The following HDAC9 variants were observed in gnomAD, a reference collection of about 807,000 sequenced individuals.
The protein encoded by HDAC9 is MEF-2 interacting transcription repressor (MITR) protein.
Under a neutral mutation model 139.4 loss-of-function variants are expected in HDAC9, and 41 were observed. That is an observed-to-expected ratio of 0.29 (90% confidence interval 0.23 to 0.38). The LOEUF is 0.38. Among genes scored for constraint, HDAC9 ranks in the 10% least tolerant of loss-of-function variants. The probability of loss-of-function intolerance (pLI) is 1.00; values close to 1 mark genes in which losing one functional copy is unlikely to be tolerated. For missense variants in HDAC9, 1,147 were observed against 1,297.0 expected (o/e 0.88, Z 1.78); for synonymous variants, 517 against 476.2 (o/e 1.09, Z -1.12).
intron 22 of HDAC9, among the ~76,000 whole-genome samples, chr7:18,914,306 T>A (rs1802998423): frequency 6.6e-6 from 1 of 151,856 alleles, no homozygotes; most frequent in Non-Finnish European, 1.5e-5. Context: ...TGGTATTTTG[T>A]TACAGCAGCC....
At chr7:18,727,526 TC>T in intron 12 of HDAC9, 53 bp from the exon 13 acceptor site, 1 of 1,438,506 alleles carries the variant, frequency 7.0e-7, no homozygotes. Flanking sequence ...GCTCAGTGTC[TC>T]CCTCAATCCT....
chr7:18,330,119 T>C lies in HDAC9; in HGVS notation c.-42+39604T>C, dbSNP rs906010076. ...TTTGCAGATGTTCTAGTTATACTTA[T>C]CAATCTTTTCTGCTTGCCAAATGAA... On this transcript the variant is annotated intron_variant, in intron 1 of 3. Transcript: ENST00000413509. 4.0e-5 allele frequency among the ~76,000 whole-genome samples: 6 copies of C among 151,828 alleles called. No individual in the cohort carries two copies. In the East Asian group the frequency reaches 7.8e-4, roughly 20 times the overall value.
At chr7:18,277,107 CA>C (rs1199040745) in intron 2 of HDAC9, among the ~76,000 whole-genome samples, 1 of 151,652 alleles carries the variant, frequency 6.6e-6, no homozygotes, top group Non-Finnish European at 1.5e-5. Context: ...AAACAAAAAA[CA>C]AAAAAACAGG....
intron 1 of HDAC9, among the ~76,000 whole-genome samples, chr7:18,386,481 A>G (rs759111466): frequency 6.6e-6 from 1 of 152,114 alleles, no homozygotes; most frequent in Non-Finnish European, 1.5e-5. Flanking sequence ...TGGCCCCCCT[A>G]TGCATGTTAC....
intron 22 of HDAC9, among the ~76,000 whole-genome samples, chr7:18,896,833 C>T (rs1350102859): frequency 6.6e-6 from 1 of 152,010 alleles, no homozygotes; most frequent in African/African-American, 2.4e-5. Flanking sequence ...CCAATTCCTT[C>T]ACACTGCAAA....
intron 1 of HDAC9, among the ~76,000 whole-genome samples, chr7:18,134,308 G>A (rs1224684691): frequency 1.3e-5 from 2 of 152,034 alleles, no homozygotes; most frequent in East Asian, 1.9e-4. Context: ...TTTTATTAAT[G>A]TCATGGCATA....
intron 25 of HDAC9, among the ~76,000 whole-genome samples, chr7:18,985,754 T>C (rs547468750): frequency 1.4e-5 from 2 of 142,456 alleles, no homozygotes; most frequent in East Asian, 3.9e-4. Context: ...TTTTTAGTGA[T>C]CACCATTCTA....
intron 1 of HDAC9, among the ~76,000 whole-genome samples, chr7:18,092,976 G>A (rs926843637): frequency 2.0e-5 from 3 of 152,128 alleles, no homozygotes; most frequent in African/African-American, 4.8e-5. Flanking sequence ...GGGAACCAGC[G>A]CTGTGACTTG....
chr7:18,302,342 C>G (rs1798595125), intron 1 of HDAC9, among the ~76,000 whole-genome samples: 1 of 152,078 alleles, frequency 6.6e-6, no homozygotes, highest in South Asian at 2.1e-4. Flanking sequence ...GGGAAGGAAT[C>G]CAGATGATGA....
intron 11 of HDAC9, among the ~76,000 whole-genome samples, chr7:18,663,104 A>G (rs1793721333): frequency 6.6e-6 from 1 of 152,052 alleles, no homozygotes; most frequent in Non-Finnish European, 1.5e-5. Context: ...GGCTTGGAAA[A>G]CCCACTAGAA....
intron 1 of HDAC9, among the ~76,000 whole-genome samples, chr7:18,490,384 G>A (rs977780857): frequency 2.6e-5 from 4 of 152,034 alleles, no homozygotes; most frequent in African/African-American, 9.7e-5. Flanking sequence ...TTGAAGGGAA[G>A]AGTTATTTTC....
intron 2 of HDAC9, among the ~76,000 whole-genome samples, chr7:18,174,836 A>G (rs1235203247): frequency 6.6e-6 from 1 of 152,172 alleles, no homozygotes; most frequent in African/African-American, 2.4e-5. Context: ...ACTTCATCCC[A>G]GATGGGCACC....
chr7:18,478,785 T>C (rs1015071964), intron 1 of HDAC9, among the ~76,000 whole-genome samples: 1 of 152,224 alleles, frequency 6.6e-6, no homozygotes, highest in African/African-American at 2.4e-5. Flanking sequence ...CTCAGCATTC[T>C]TACCAATACT....
intron 1 of HDAC9, among the ~76,000 whole-genome samples, chr7:18,403,469 G>C (rs1455145102): frequency 6.6e-6 from 1 of 151,946 alleles, no homozygotes; most frequent in African/African-American, 2.4e-5. Context: ...TATTTTCCTG[G>C]GTCTTTTTTC....
intron 1 of HDAC9, among the ~76,000 whole-genome samples, chr7:18,158,768 C>G (rs1041339191): frequency 6.6e-6 from 1 of 152,200 alleles, no homozygotes; most frequent in South Asian, 2.1e-4. Context: ...GTTAAAGGAC[C>G]TATGGAAGAC....
chr7:18,789,396 C>T (rs1792115352), intron 16 of HDAC9, among the ~76,000 whole-genome samples: 1 of 151,944 alleles, frequency 6.6e-6, no homozygotes, highest in African/African-American at 2.4e-5. Flanking sequence ...AATTTATGTG[C>T]ATGGAAAGAA....
At chr7:18,850,625 A>G (rs1413063666) in intron 21 of HDAC9, among the ~76,000 whole-genome samples, 2 of 152,228 alleles carry the variant, frequency 1.3e-5, no homozygotes, top group Non-Finnish European at 2.9e-5. Flanking sequence ...AATTATTCAC[A>G]TGTCTAGAAT....
intron 1 of HDAC9, among the ~76,000 whole-genome samples, chr7:18,108,769 G>A (rs140168234): frequency 0.012 from 1,858 of 151,900 alleles, 26 homozygotes; most frequent in African/African-American, 0.042. Context: ...TTACAGGCGC[G>A]TGCCACCACA....
intron 8 of HDAC9, among the ~76,000 whole-genome samples, chr7:18,636,559 A>C (rs74630777): frequency 0.014 from 2,177 of 152,196 alleles, 49 homozygotes; most frequent in African/African-American, 0.049. Flanking sequence ...ACATGAGCAA[A>C]ATATCTAGAT....
Sources: gnomAD v4.1 joint callset for allele counts (sites outside exome capture counted in the v4.1 genomes callset) on GRCh38, gnomAD v4.1.1 for gene constraint, MANE v1.5 for transcripts, NCBI Gene and HGNC (gene_info 2026-07-23, HGNC 2026-07-21) for gene names.